Variants in LHFPL3 observed in about 807,000 individuals in gnomAD.
LHFPL3 encodes LHFPL tetraspan subfamily member 3 protein.
Under a neutral mutation model 19.3 loss-of-function variants are expected in LHFPL3, and 5 were observed. The ratio of observed to expected loss-of-function variants is 0.26; its 90% confidence interval spans 0.14 to 0.54. The LOEUF (loss-of-function observed/expected upper bound fraction) is 0.54. Among genes scored for constraint, LHFPL3 ranks in the 20% least tolerant of loss-of-function variants. The pLI, the probability that LHFPL3 is intolerant of heterozygous loss-of-function variation, is 0.94. For missense variants in LHFPL3, 249 were observed against 307.4 expected (o/e 0.81, Z 1.42); for synonymous variants, 133 against 126.2 (o/e 1.05, Z -0.36).
chr7:104,569,203 T>C (rs1265313173), intron 1 of LHFPL3, among the ~76,000 whole-genome samples: 1 of 152,240 alleles, frequency 6.6e-6, no homozygotes, highest in Non-Finnish European at 1.5e-5. Context: ...ATGGTGTCTC[T>C]TATGTTTATC....
intron 1 of LHFPL3, among the ~76,000 whole-genome samples, chr7:104,417,578 C>T (rs925147366): frequency 6.6e-6 from 1 of 152,098 alleles, no homozygotes; most frequent in Admixed American, 6.6e-5. Flanking sequence ...TAAACAAGTA[C>T]TTTTTAGGTA....
intron 1 of LHFPL3, among the ~76,000 whole-genome samples, chr7:104,732,691 AT>A: frequency 6.6e-6 from 1 of 151,954 alleles, no homozygotes; most frequent in East Asian, 1.9e-4. Context: ...GGATTCATTG[AT>A]TTTTTGAAGG....
chr7:104,648,327 A>G (rs373349356), intron 1 of LHFPL3, among the ~76,000 whole-genome samples: 9 of 152,148 alleles, frequency 5.9e-5, no homozygotes, highest in African/African-American at 1.9e-4. Flanking sequence ...TGCCTCTCTG[A>G]GCTCTCCAAT....
At chr7:104,404,767 C>T (rs935530773) in intron 1 of LHFPL3, among the ~76,000 whole-genome samples, 1 of 152,134 alleles carries the variant, frequency 6.6e-6, no homozygotes, top group Non-Finnish European at 1.5e-5. Context: ...TTGCTAATAA[C>T]CAGACACCTA....
intron 1 of LHFPL3, among the ~76,000 whole-genome samples, chr7:104,357,185 A>T (rs1790296016): frequency 6.6e-6 from 1 of 152,212 alleles, no homozygotes; most frequent in African/African-American, 2.4e-5. Context: ...CACCTACTGT[A>T]CCTAAAGAGC....
intron 1 of LHFPL3, among the ~76,000 whole-genome samples, chr7:104,621,718 C>A (rs1252001029): frequency 6.6e-6 from 1 of 152,174 alleles, no homozygotes; most frequent in Non-Finnish European, 1.5e-5. Flanking sequence ...GAGGAGTTGG[C>A]AGCAGGCATG....
chr7:104,563,760 C>T (rs117485829), intron 1 of LHFPL3, among the ~76,000 whole-genome samples: 1 of 152,304 alleles, frequency 6.6e-6, no homozygotes, highest in East Asian at 1.9e-4. Context: ...ACCAGATCTG[C>T]CAGCACTTTG....
chr7:104,386,463 A>T (rs79667302), intron 1 of LHFPL3, among the ~76,000 whole-genome samples: 1 of 152,136 alleles, frequency 6.6e-6, no homozygotes, highest in Admixed American at 6.5e-5. Flanking sequence ...TAAAAGGAAG[A>T]TGAGAGGAAC....
chr7:104,412,499 TACTC>T (rs1791552002), intron 1 of LHFPL3, among the ~76,000 whole-genome samples: 1 of 152,024 alleles, frequency 6.6e-6, no homozygotes, highest in African/African-American at 2.4e-5. Context: ...AGTGAAATCA[TACTC>T]ACACATTATA....
intron 1 of LHFPL3, among the ~76,000 whole-genome samples, chr7:104,629,118 T>C (rs1395714131): frequency 6.6e-6 from 1 of 152,224 alleles, no homozygotes; most frequent in Non-Finnish European, 1.5e-5. Flanking sequence ...AAATATCTTA[T>C]GTGTGTTACC....
rs1793936351 is a variant in LHFPL3 at position 104,741,488 on chromosome 7, TG to T, written c.682+4578del. Reference sequence around the variant, plus strand: ...AAAAAAAAAAAAAAAAAAGCCCCACTGAAAAACAAAGAAAAGTGAAACCTCT... The same window carrying T: ...AAAAAAAAAAAAAAAAAAGCCCCACTAAAAACAAAGAAAAGTGAAACCTCT... On this transcript the variant is annotated intron_variant, in intron 2 of 2. Coordinates refer to ENST00000424859, the MANE Select transcript of LHFPL3 (RefSeq NM_199000.3). Among the ~76,000 whole-genome samples, 4 of 143,868 alleles carry T rather than the reference TG, an allele frequency of 2.8e-5. No homozygotes were observed. The South Asian group carries it at 8.7e-4, about 31-fold the overall frequency. The allele number at this position is 143,868 out of a possible 152,430, so 94.4% of individuals were successfully genotyped here. A position where few individuals can be genotyped will look rare whatever the true frequency, so the allele number is the denominator to read the frequency against.
At chr7:104,645,654 CTTTTT>C (rs869151153) in intron 1 of LHFPL3, among the ~76,000 whole-genome samples, 8 of 81,616 alleles carry the variant, frequency 9.8e-5, no homozygotes, top group East Asian at 4.0e-4. Flanking sequence ...ATTGGGTTTT[CTTTTT>C]TTTTTTTTTT....
intron 1 of LHFPL3, among the ~76,000 whole-genome samples, chr7:104,614,467 A>G (rs1024489000): frequency 6.6e-6 from 1 of 152,046 alleles, no homozygotes; most frequent in African/African-American, 2.4e-5. Flanking sequence ...GAGAACTGGC[A>G]CCTGGTAAAC....
intron 2 of LHFPL3, among the ~76,000 whole-genome samples, chr7:104,858,960 TAAA>T (rs34510317): frequency 6.0e-5 from 9 of 149,400 alleles, no homozygotes; most frequent in South Asian, 2.1e-4. Flanking sequence ...AAATTTTATT[TAAA>T]AAAAAAAAAA....
chr7:104,775,000 G>A (rs1164223220), intron 2 of LHFPL3, among the ~76,000 whole-genome samples: 1 of 152,184 alleles, frequency 6.6e-6, no homozygotes, highest in East Asian at 1.9e-4. Context: ...GAGCAGGTTT[G>A]AATTCAAAGA....
intron 2 of LHFPL3, among the ~76,000 whole-genome samples, chr7:104,863,012 G>C (rs974945468): frequency 6.6e-6 from 1 of 152,154 alleles, no homozygotes; most frequent in Non-Finnish European, 1.5e-5. Flanking sequence ...GATGTGGACG[G>C]CAGAGCCCAG....
At chr7:104,614,653 C>CCTTCCT (rs1791284308) in intron 1 of LHFPL3, among the ~76,000 whole-genome samples, 8 of 51,530 alleles carry the variant, frequency 1.6e-4, no homozygotes, top group African/African-American at 4.1e-4. Flanking sequence ...CTTCTCTTCT[C>CCTTCCT]TCCTTCCTTC....
chr7:104,481,388 C>A (rs1472470372), intron 1 of LHFPL3, among the ~76,000 whole-genome samples: 1 of 152,172 alleles, frequency 6.6e-6, no homozygotes, highest in Non-Finnish European at 1.5e-5. Context: ...ATGTGACATA[C>A]AAGGCCCTTG....
intron 2 of LHFPL3, among the ~76,000 whole-genome samples, chr7:104,861,411 G>C (rs1791616915): frequency 6.6e-6 from 1 of 152,208 alleles, no homozygotes; most frequent in African/African-American, 2.4e-5. Context: ...GCATCAGTCA[G>C]ATACCAGCAG....
Sources: gnomAD v4.1 joint callset for allele counts (sites outside exome capture counted in the v4.1 genomes callset) on GRCh38, gnomAD v4.1.1 for gene constraint, MANE v1.5 for transcripts, NCBI Gene and HGNC (gene_info 2026-07-23, HGNC 2026-07-21) for gene names.